Variants in PUDP observed in about 807,000 individuals in gnomAD.
PUDP encodes pseudouridine 5'-phosphatase.
A neutral mutation model predicts 9.4 loss-of-function variants in PUDP; 8 were observed. The observed-to-expected ratio is 0.85, with a 90% CI of 0.50 to 1.53. The LOEUF (loss-of-function observed/expected upper bound fraction) is 1.53, where lower values mean the gene tolerates loss of function less well. PUDP is among the 40% of genes most tolerant of loss of function. The probability of loss-of-function intolerance (pLI) is 0.00; values close to 1 mark genes in which losing one functional copy is unlikely to be tolerated. For missense variants in PUDP, 188 were observed against 189.7 expected (o/e 0.99, Z 0.05); for synonymous variants, 99 against 80.7 (o/e 1.23, Z -1.22).
intron 2 of PUDP, among the ~76,000 whole-genome samples, chrX:7,077,663 C>T (rs953709366): frequency 8.9e-5 from 10 of 112,325 alleles, no homozygotes; most frequent in African/African-American, 2.6e-4. Context: ...AAGCTATTGG[C>T]GGTTGAGCGA....
chrX:7,134,104 G>A (rs191111520), intron 1 of PUDP, among the ~76,000 whole-genome samples: 1 of 112,195 alleles, frequency 8.9e-6, no homozygotes, highest in East Asian at 2.8e-4. Flanking sequence ...GGGACACAGA[G>A]GATGGGTAAT....
chrX:6,825,868 G>C (rs1306871445), intron 3 of PUDP, among the ~76,000 whole-genome samples: 3 of 111,328 alleles, frequency 2.7e-5, no homozygotes, highest in African/African-American at 9.8e-5. Flanking sequence ...TTTCTTATAG[G>C]TTGGTTTATA....
chrX:6,713,414 T>G (rs1924556886), intron 1 of PUDP, among the ~76,000 whole-genome samples: 1 of 111,690 alleles, frequency 9.0e-6, no homozygotes, highest in Non-Finnish European at 1.9e-5. Context: ...TTTTTTCACT[T>G]TCAGTATAAT....
intron 3 of PUDP, among the ~76,000 whole-genome samples, chrX:6,940,544 C>A (rs1444076585): frequency 1.8e-5 from 2 of 111,763 alleles, no homozygotes; most frequent in East Asian, 5.6e-4. Context: ...TTTCATGTTG[C>A]AGCTGTTCTT....
At chrX:7,052,496 AAC>A (rs1930131130) in intron 3 of PUDP, among the ~76,000 whole-genome samples, 1 of 111,200 alleles carries the variant, frequency 9.0e-6, no homozygotes, top group Non-Finnish European at 1.9e-5. Flanking sequence ...AAAACACTGA[AAC>A]ACACACACAG....
chrX:6,900,950 G>C (rs1569119858), intron 3 of PUDP, among the ~76,000 whole-genome samples: 1 of 109,855 alleles, frequency 9.1e-6, no homozygotes, highest in Non-Finnish European at 1.9e-5. Flanking sequence ...GCTAATTTTT[G>C]TATTTTTAGT....
intron 1 of PUDP, among the ~76,000 whole-genome samples, chrX:7,142,335 T>C (rs1351694942): frequency 8.9e-6 from 1 of 112,163 alleles, no homozygotes; most frequent in Non-Finnish European, 1.9e-5. Flanking sequence ...CCAATCCTCA[T>C]GGATGACTTT....
chrX:6,971,160 G>T (rs1440050018), intron 3 of PUDP, among the ~76,000 whole-genome samples: 1 of 111,785 alleles, frequency 8.9e-6, no homozygotes, highest in Non-Finnish European at 1.9e-5. Flanking sequence ...GATGCTGCAT[G>T]TTCATGCGCC....
chrX:7,005,995 A>G (rs1929397049), intron 1 of PUDP, among the ~76,000 whole-genome samples: 1 of 111,975 alleles, frequency 8.9e-6, no homozygotes, highest in Non-Finnish European at 1.9e-5. Context: ...CCATATTGTA[A>G]CATATGTGAA....
At chrX:6,722,679 T>C (rs1318920278), upstream of PUDP, among the ~76,000 whole-genome samples, 1 of 111,257 alleles carries the variant, frequency 9.0e-6, no homozygotes, top group Non-Finnish European at 1.9e-5. Flanking sequence ...TTAAAAGGAA[T>C]CAAACCCTAA....
intron 2 of PUDP, among the ~76,000 whole-genome samples, chrX:7,102,715 T>C (rs1402401467): frequency 3.2e-4 from 35 of 110,632 alleles, no homozygotes; most frequent in Non-Finnish European, 9.5e-5. Flanking sequence ...AAAAACCCAA[T>C]TGTTAGAACC....
intron 3 of PUDP, among the ~76,000 whole-genome samples, chrX:6,751,086 G>A (rs1207613199): frequency 3.7e-5 from 4 of 109,504 alleles, no homozygotes; most frequent in East Asian, 2.8e-4. Context: ...AGCTTGCAGT[G>A]AGCCAAGATT....
At chrX:6,985,141 C>T (rs1929087141) in intron 1 of PUDP, among the ~76,000 whole-genome samples, 1 of 111,927 alleles carries the variant, frequency 8.9e-6, no homozygotes, top group African/African-American at 3.2e-5. Context: ...CTTTTTACTT[C>T]TGCAGCCAGT....
chrX:6,720,507 G>T (rs937757598), intron 1 of PUDP, among the ~76,000 whole-genome samples: 1 of 105,456 alleles, frequency 9.5e-6, no homozygotes, highest in Admixed American at 1.0e-4. Flanking sequence ...CTGGGGAGTG[G>T]GGGACACTGG....
At position 6,727,682 on chromosome X, in the gene PUDP, T is replaced by A. The variant is rs1342366741; in HGVS notation, c.*248-21216A>T. On this transcript the variant is annotated intron_variant and NMD_transcript_variant, in intron 3 of 3. Transcript: ENST00000655425. ...GTCAGATGGCCAACCTATTTTTATA[T>A]CCCTGTGGCCAGTGGGTGTGGCTGT... Among the ~76,000 whole-genome samples, 6 of 111,749 alleles carry A rather than the reference T, an allele frequency of 5.4e-5. No individual in the cohort carries two copies. The East Asian group carries it at 1.4e-3, about 26-fold the overall frequency.
intron 1 of PUDP, among the ~76,000 whole-genome samples, chrX:6,991,017 C>T (rs1185889876): frequency 1.8e-5 from 2 of 112,234 alleles, no homozygotes; most frequent in African/African-American, 3.2e-5. Context: ...TTCATTCCCA[C>T]GGGAGCATGC....
downstream of PUDP, among the ~76,000 whole-genome samples, chrX:7,047,302 T>C (rs1198782769): frequency 3.6e-5 from 4 of 112,402 alleles, no homozygotes; most frequent in Non-Finnish European, 5.6e-5. Flanking sequence ...TATGTTCTTA[T>C]TCAGTTTTGT....
chrX:7,147,247 C>G (rs1399671893), intron 1 of PUDP, among the ~76,000 whole-genome samples: 1 of 110,939 alleles, frequency 9.0e-6, no homozygotes, highest in Non-Finnish European at 1.9e-5. Flanking sequence ...GGGTGGGGCC[C>G]CAGCTTCTAC....
Position 6,729,144 on chromosome X carries a change from C to A in PUDP, c.*248-22678G>T, listed in dbSNP as rs189556167. 3.4e-3 allele frequency among the ~76,000 whole-genome samples: 378 copies of A among 111,712 alleles called. 2 individuals are homozygous for A. Among genetic ancestry groups the A allele is most frequent in the African/African-American group, 0.012 (360 of 30,774 alleles). On this transcript the variant is annotated intron_variant and NMD_transcript_variant, in intron 3 of 3. Transcript: ENST00000655425. ...ATATCTTGGGCCCTTAAAATGACTA[C>A]GCTAAAGGGAAAAGTCCAGCTGGGA...
Sources: allele counts gnomAD v4.1 joint callset (sites outside exome capture counted in the v4.1 genomes callset), GRCh38; gene constraint gnomAD v4.1.1; transcripts MANE v1.5; gene names NCBI Gene and HGNC (gene_info 2026-07-23, HGNC 2026-07-21).